CSMD1: variants seen among roughly 807,000 people sequenced by gnomAD.
CSMD1 encodes the protein CUB and Sushi multiple domains 1.
In CSMD1, 213 loss-of-function variants were observed where a neutral mutation model predicts 417.5. The observed-to-expected ratio is 0.51, with a 90% CI of 0.46 to 0.57. CSMD1 has a LOEUF of 0.57. Among genes scored for constraint, CSMD1 ranks in the 20% least tolerant of loss-of-function variants. The pLI is 0.00. For synonymous variants in CSMD1, 2,862 were observed against 1,736.8 expected (o/e 1.65, Z -16.11); for missense variants, 6,923 against 4,529.7 (o/e 1.53, Z -15.17).
At position 4,796,034 on chromosome 8, in the gene CSMD1, T is replaced by C. The variant is rs188394585; in HGVS notation, c.86-158476A>G. Among the ~76,000 whole-genome samples the C allele has an allele frequency of 1.5e-3, 233 of 152,274 alleles. 1 individual carries two copies. Among genetic ancestry groups the C allele is most frequent in the African/African-American group, 4.6e-3 (192 of 41,556 alleles). On this transcript the variant is annotated intron_variant, in intron 1 of 69. Coordinates refer to ENST00000635120, the MANE Select transcript of CSMD1 (RefSeq NM_033225.6). ...ACAGCTAAGGGCAAGGCTTCAGGTA[T>C]TTAAAATGTAACACTCACCAGGAGA...
intron 3 of CSMD1, among the ~76,000 whole-genome samples, chr8:4,178,957 G>A (rs1338758253): frequency 6.6e-6 from 1 of 152,134 alleles, no homozygotes; most frequent in Non-Finnish European, 1.5e-5. Flanking sequence ...AACATTCCAT[G>A]CTCATGGGTA....
At chr8:3,114,943 T>G (rs1328411697) in intron 42 of CSMD1, among the ~76,000 whole-genome samples, 1 of 152,154 alleles carries the variant, frequency 6.6e-6, no homozygotes, top group Non-Finnish European at 1.5e-5. Flanking sequence ...TATCTCTGTC[T>G]GTGCAATTCC....
intron 1 of CSMD1, among the ~76,000 whole-genome samples, chr8:4,857,107 G>T (rs1201454083): frequency 2.0e-5 from 3 of 150,762 alleles, no homozygotes; most frequent in African/African-American, 7.3e-5. Flanking sequence ...TCAGGATTAA[G>T]AATCTCACTC....
intron 1 of CSMD1, among the ~76,000 whole-genome samples, chr8:4,738,661 T>C (rs1410950169): frequency 6.6e-6 from 1 of 152,192 alleles, no homozygotes; most frequent in Non-Finnish European, 1.5e-5. Context: ...TTCTGTCATT[T>C]TTTGACAAAG....
At chr8:4,399,338 A>G (rs1294880808) in intron 3 of CSMD1, among the ~76,000 whole-genome samples, 5 of 152,216 alleles carry the variant, frequency 3.3e-5, no homozygotes, top group East Asian at 1.9e-4. Flanking sequence ...ACAATACACC[A>G]TATAGTGAAG....
At chr8:4,457,000 C>A (rs116268218) in intron 2 of CSMD1, among the ~76,000 whole-genome samples, 1,597 of 112,628 alleles carry the variant, frequency 0.014, 26 homozygotes, top group African/African-American at 0.044. Flanking sequence ...AAAAAAAAAA[C>A]AACAAGAAAA....
chr8:4,841,648 C>T (rs776689752), intron 1 of CSMD1, among the ~76,000 whole-genome samples: 4 of 152,126 alleles, frequency 2.6e-5, no homozygotes, highest in East Asian at 3.9e-4. Flanking sequence ...CGGTGGCTCA[C>T]GCCTGTAATC....
intron 3 of CSMD1, among the ~76,000 whole-genome samples, chr8:4,287,912 A>G (rs191250773): frequency 2.4e-4 from 37 of 152,222 alleles, no homozygotes; most frequent in Middle Eastern, 3.4e-3. Context: ...AAGCCATCAC[A>G]TATCTATGGT....
chr8:3,134,588 G>T (rs1817975956), intron 41 of CSMD1, among the ~76,000 whole-genome samples: 1 of 152,180 alleles, frequency 6.6e-6, no homozygotes, highest in South Asian at 2.1e-4. Context: ...GCAACTTGTG[G>T]GAGAAAATTG....
At chr8:3,105,397 G>T (rs13277425) in intron 46 of CSMD1, among the ~76,000 whole-genome samples, 11,578 of 152,284 alleles carry the variant, frequency 0.076, 565 homozygotes, top group Middle Eastern at 0.14. Flanking sequence ...TGATTTTGAA[G>T]TCATAAAAAC....
chr8:3,276,020 T>C (rs768227777), intron 26 of CSMD1, among the ~76,000 whole-genome samples: 3 of 152,220 alleles, frequency 2.0e-5, no homozygotes, highest in African/African-American at 7.2e-5. Flanking sequence ...TTTTAGAGTT[T>C]CCAGTTTTTC....
At chr8:4,010,546 T>A (rs1349320229) in intron 4 of CSMD1, among the ~76,000 whole-genome samples, 1 of 152,042 alleles carries the variant, frequency 6.6e-6, no homozygotes, top group Admixed American at 6.6e-5. Context: ...CCCTCTATCT[T>A]CTCACTACCA....
chr8:4,132,493 T>G (rs1328407094), intron 3 of CSMD1, among the ~76,000 whole-genome samples: 1 of 152,192 alleles, frequency 6.6e-6, no homozygotes, highest in African/African-American at 2.4e-5. Context: ...GGTAGTATAA[T>G]ACATTTTATT....
At chr8:4,731,259 G>A (rs868139959) in intron 1 of CSMD1, among the ~76,000 whole-genome samples, 1 of 152,218 alleles carries the variant, frequency 6.6e-6, no homozygotes, top group South Asian at 2.1e-4. Flanking sequence ...ACCTCAACCT[G>A]CTTTTGTCTT....
intron 1 of CSMD1, among the ~76,000 whole-genome samples, chr8:4,890,809 G>A (rs1804069311): frequency 6.6e-6 from 1 of 152,120 alleles, no homozygotes; most frequent in Admixed American, 6.5e-5. Flanking sequence ...GGTTAAGGAC[G>A]CTTTTGTCGA....
At chr8:4,594,721 A>G (rs1170321237) in intron 2 of CSMD1, among the ~76,000 whole-genome samples, 1 of 152,118 alleles carries the variant, frequency 6.6e-6, no homozygotes, top group Admixed American at 6.5e-5. Context: ...TTAACATTTG[A>G]AATTGTTACC....
intron 8 of CSMD1, among the ~76,000 whole-genome samples, chr8:3,610,579 T>C (rs557832678): frequency 6.4e-4 from 98 of 152,314 alleles, no homozygotes; most frequent in African/African-American, 2.2e-3. Context: ...ATAGGTCATG[T>C]ACATCAGATG....
At chr8:4,896,085 G>C (rs1013939382) in intron 1 of CSMD1, among the ~76,000 whole-genome samples, 1 of 152,030 alleles carries the variant, frequency 6.6e-6, no homozygotes, top group Admixed American at 6.5e-5. Flanking sequence ...GCCTTCCTCT[G>C]TCTGAAAATT....
intron 1 of CSMD1, among the ~76,000 whole-genome samples, chr8:4,914,500 C>T (rs145463899): frequency 1.8e-4 from 27 of 150,820 alleles, no homozygotes; most frequent in African/African-American, 5.9e-4. Flanking sequence ...ATGGCGTGAA[C>T]CTGGGATGCG....
Sources: allele counts gnomAD v4.1 joint callset (sites outside exome capture counted in the v4.1 genomes callset), GRCh38; gene constraint gnomAD v4.1.1; transcripts MANE v1.5; gene names NCBI Gene and HGNC (gene_info 2026-07-23, HGNC 2026-07-21).